The following SLC4A10 variants were observed in gnomAD, a reference collection of about 807,000 sequenced individuals.
The protein encoded by SLC4A10 is sodium-driven chloride bicarbonate exchanger.
In SLC4A10, 42 loss-of-function variants were observed where a neutral mutation model predicts 137.7. The ratio of observed to expected loss-of-function variants is 0.30; its 90% CI spans 0.24 to 0.39. SLC4A10 has a LOEUF of 0.39. Ranked by LOEUF, SLC4A10 falls within the 10% of genes least tolerant of loss-of-function variation. The pLI, the probability that SLC4A10 is intolerant of heterozygous loss-of-function variation, is 1.00. For missense variants in SLC4A10, 925 were observed against 1,355.0 expected, an observed-to-expected ratio of 0.68 and a Z score of 4.98; for synonymous variants, 474 against 464.1, an observed-to-expected ratio of 1.02 and a Z score of -0.27.
At chr2:161,951,470 C>T (rs1421487083) in intron 19 of SLC4A10, among the ~76,000 whole-genome samples, 1 of 152,108 alleles carries the variant, frequency 6.6e-6, no homozygotes, top group African/African-American at 2.4e-5. Flanking sequence ...CACTGGTATG[C>T]AATTTGCCTG....
chr2:161,820,958 AT>A (rs1485823324), intron 3 of SLC4A10, among the ~76,000 whole-genome samples: 2 of 152,154 alleles, frequency 1.3e-5, no homozygotes, highest in Non-Finnish European at 2.9e-5. Context: ...TGGTAATTCC[AT>A]TCTTTTAACA....
chr2:161,853,598 T>C (rs956365539), intron 4 of SLC4A10, among the ~76,000 whole-genome samples: 1 of 152,222 alleles, frequency 6.6e-6, no homozygotes, highest in South Asian at 2.1e-4. Flanking sequence ...TGAGGTATTA[T>C]GGCCCTGTTT....
intron 3 of SLC4A10, among the ~76,000 whole-genome samples, chr2:161,823,973 A>G (rs182812642): frequency 6.6e-6 from 1 of 152,342 alleles, no homozygotes; most frequent in East Asian, 1.9e-4. Context: ...ACTGCCTGCC[A>G]GTCTCTTGGT....
intron 1 of SLC4A10, among the ~76,000 whole-genome samples, chr2:161,633,160 T>C (rs548394846): frequency 2.6e-5 from 4 of 151,812 alleles, no homozygotes; most frequent in Admixed American, 1.3e-4. Flanking sequence ...ATATGGAAGA[T>C]GCACTTTCAA....
chr2:161,782,240 A>G (rs2053114451), intron 2 of SLC4A10, among the ~76,000 whole-genome samples: 1 of 152,002 alleles, frequency 6.6e-6, no homozygotes, highest in South Asian at 2.1e-4. Context: ...ATTCAGTCTC[A>G]CTCATCCTGG....
chr2:161,754,644 C>A (rs893970382), intron 1 of SLC4A10, among the ~76,000 whole-genome samples: 1 of 152,086 alleles, frequency 6.6e-6, no homozygotes, highest in African/African-American at 2.4e-5. Context: ...GATTTGAAGT[C>A]ATTTGTCTGT....
intron 6 of SLC4A10, among the ~76,000 whole-genome samples, chr2:161,865,786 T>A (rs1395865424): frequency 1.3e-5 from 2 of 151,996 alleles, no homozygotes; most frequent in Non-Finnish European, 2.9e-5. Flanking sequence ...ATAAACAAAT[T>A]GAAATTAATA....
At chr2:161,755,652 A>G (rs2049537945) in intron 1 of SLC4A10, among the ~76,000 whole-genome samples, 1 of 152,112 alleles carries the variant, frequency 6.6e-6, no homozygotes, top group Non-Finnish European at 1.5e-5. Flanking sequence ...TAGAGATTTT[A>G]CATTTGTTTT....
At chr2:161,711,158 A>G (rs17728078) in intron 1 of SLC4A10, among the ~76,000 whole-genome samples, 42,487 of 151,666 alleles carry the variant, frequency 0.28, 7,715 homozygotes, top group Non-Finnish European at 0.42. Flanking sequence ...TAAACTGTGA[A>G]TCAGTAAAAT....
chr2:161,639,984 T>TAAATAA (rs2035045461), intron 1 of SLC4A10, among the ~76,000 whole-genome samples: 3 of 152,170 alleles, frequency 2.0e-5, no homozygotes, highest in Non-Finnish European at 4.4e-5. Flanking sequence ...AACAGGAAAC[T>TAAATAA]ATCTGAAAAA....
intron 10 of SLC4A10, 97 bp downstream of exon 10, chr2:161,882,541 T>A (rs890731230): frequency 2.3e-5 from 15 of 655,492 alleles, no homozygotes; most frequent in Admixed American, 3.6e-5. Context: ...TGAATCAGAT[T>A]TCTCTGTATT....
At position 161,984,636 on chromosome 2, in the gene SLC4A10, A is replaced by G. The variant is rs1465622034; in HGVS notation, c.*1484A>G. 1 of 152,142 alleles carries G rather than the reference A, an allele frequency of 6.6e-6. No individual in the cohort carries two copies. Among genetic ancestry groups the G allele is most frequent in the Non-Finnish European group, 1.5e-5 (1 of 67,972 alleles). 9.4% of individuals were successfully genotyped at this position (152,142 alleles called of 1,614,324 possible). On this transcript the variant is annotated 3_prime_UTR_variant, in exon 27 of 27. Transcript: ENST00000446997. ...CAACAAAGTCTCCATTAAGTTCTAC[A>G]TTTTGAGACCTTTTAAAAATTCCCC...
intron 2 of SLC4A10, among the ~76,000 whole-genome samples, chr2:161,782,672 C>A (rs2053173124): frequency 6.7e-6 from 1 of 149,198 alleles, no homozygotes; most frequent in South Asian, 2.2e-4. Context: ...AAACAGGAAT[C>A]ATGAAGTTGA....
chr2:161,952,778 A>T lies in SLC4A10; in HGVS notation c.2541+1930A>T, dbSNP rs370283012. 1.1e-4 allele frequency among the ~76,000 whole-genome samples: 17 copies of T among 152,034 alleles called. No individual in the cohort carries two copies. In the East Asian group the frequency reaches 2.1e-3, roughly 19 times the overall value. The stretch of plus-strand genomic sequence containing the variant: ...ACATTGAACCCCTATTGGGCCTATA[A>T]CTCTTGTCTCCTATAAGCTTCTATA... On this transcript the variant is annotated intron_variant, in intron 19 of 26. Transcript: ENST00000446997.
At chr2:161,920,478 A>T (rs1046392149) in intron 15 of SLC4A10, among the ~76,000 whole-genome samples, 1 of 152,258 alleles carries the variant, frequency 6.6e-6, no homozygotes, top group African/African-American at 2.4e-5. Flanking sequence ...AACTTATAGT[A>T]CTTAAAGGAC....
chr2:161,840,008 T>A, intron 4 of SLC4A10, 81 bp downstream of exon 4: 1 of 1,559,024 alleles, frequency 6.4e-7, no homozygotes, highest in Non-Finnish European at 8.8e-7. Flanking sequence ...TGCAACAATT[T>A]TGCAAACATC....
intron 26 of SLC4A10, 115 bp downstream of exon 26, chr2:161,977,875 C>A: frequency 1.1e-6 from 1 of 881,774 alleles, no homozygotes; most frequent in Non-Finnish European, 1.7e-6. Flanking sequence ...AGGCAAAAGG[C>A]ATGGAGAGTG....
chr2:161,968,212 T>C (rs2105932755), intron 23 of SLC4A10, among the ~76,000 whole-genome samples: 1 of 152,342 alleles, frequency 6.6e-6, no homozygotes, highest in South Asian at 2.1e-4. Flanking sequence ...ATTGTAAATT[T>C]ATTAGAATTT....
chr2:161,980,582 G>A (rs1422903865), intron 26 of SLC4A10, among the ~76,000 whole-genome samples: 1 of 152,038 alleles, frequency 6.6e-6, no homozygotes, highest in African/African-American at 2.4e-5. Flanking sequence ...CTGCGACGTG[G>A]AGGTTGCAGT....
Sources: allele counts gnomAD v4.1 joint callset (sites outside exome capture counted in the v4.1 genomes callset), GRCh38; gene constraint gnomAD v4.1.1; transcripts MANE v1.5; gene names NCBI Gene and HGNC (gene_info 2026-07-23, HGNC 2026-07-21).